Variants in PEX5L observed in about 807,000 individuals in gnomAD.
The protein encoded by PEX5L is peroxisomal biogenesis factor 5 like.
In PEX5L, 30 loss-of-function variants were observed where a neutral mutation model predicts 84.0. The ratio of observed to expected loss-of-function variants is 0.36; its 90% CI spans 0.27 to 0.48. The LOEUF (loss-of-function observed/expected upper bound fraction) is 0.48. PEX5L is among the 20% of genes least tolerant of loss of function. The probability of loss-of-function intolerance (pLI) is 0.99; values close to 1 mark genes in which losing one functional copy is unlikely to be tolerated. For synonymous variants in PEX5L, 270 were observed against 283.1 expected, an observed-to-expected ratio of 0.95 and a Z score of 0.46; for missense variants, 533 against 754.6, an observed-to-expected ratio of 0.71 and a Z score of 3.44.
At chr3:179,999,411 T>C (rs921403328) in intron 1 of PEX5L, among the ~76,000 whole-genome samples, 1 of 151,966 alleles carries the variant, frequency 6.6e-6, no homozygotes, top group African/African-American at 2.4e-5. Flanking sequence ...ATGGCAGAGA[T>C]GGAGTTACAC....
intron 8 of PEX5L, among the ~76,000 whole-genome samples, chr3:179,847,661 T>TA (rs1740082274): frequency 6.6e-6 from 1 of 152,186 alleles, no homozygotes; most frequent in Non-Finnish European, 1.5e-5. Context: ...CAGAAAAGAA[T>TA]ATTTAGTCAT....
chr3:179,860,118 T>G (rs921692619), intron 7 of PEX5L, among the ~76,000 whole-genome samples: 1 of 124,444 alleles, frequency 8.0e-6, no homozygotes, highest in Non-Finnish European at 1.9e-5. Flanking sequence ...GTTTCCATTT[T>G]TGTTTTTTGT....
chr3:179,885,668 G>A (rs370176416), intron 4 of PEX5L, among the ~76,000 whole-genome samples: 13 of 151,910 alleles, frequency 8.6e-5, no homozygotes, highest in East Asian at 5.8e-4. Flanking sequence ...AAAAGCGGGG[G>A]GTGGAAATTT....
intron 8 of PEX5L, among the ~76,000 whole-genome samples, chr3:179,824,716 A>G (rs1281551375): frequency 6.6e-6 from 1 of 151,830 alleles, no homozygotes; most frequent in Non-Finnish European, 1.5e-5. Flanking sequence ...CAAAAAAAAA[A>G]AAAAAAAAAA....
At chr3:179,896,396 C>T (rs970175962) in intron 3 of PEX5L, among the ~76,000 whole-genome samples, 4 of 151,948 alleles carry the variant, frequency 2.6e-5, no homozygotes, top group Admixed American at 6.6e-5. Flanking sequence ...TAACTAATAC[C>T]TCAAAAACAG....
intron 8 of PEX5L, among the ~76,000 whole-genome samples, chr3:179,824,684 CAATCAGAGTGAAACTCCATCTCAA>C (rs1729737093): frequency 9.8e-6 from 1 of 101,580 alleles, no homozygotes; most frequent in South Asian, 3.5e-4. Context: ...CTAGCCTGGG[CAATCAGAGTGAAACTCCATCTCAA>C]AAAAAAAAAA....
At position 179,811,306 on chromosome 3, in the gene PEX5L, A is replaced by G. The variant is rs1577161973; in HGVS notation, c.1154+495T>C. On this transcript the variant is annotated intron_variant, in intron 11 of 14. Transcript: ENST00000467460. ...TATAGCACTATATTAAAGGCACTCA[A>G]AATAAAAGGTAGGGAAAGTGGAAGT... Among the ~76,000 whole-genome samples, 5 of 152,134 alleles carry G rather than the reference A, an allele frequency of 3.3e-5. 1 individual carries two copies. Among genetic ancestry groups the G allele is most frequent in the Admixed American group, 3.3e-4 (5 of 15,264 alleles).
Position 179,825,274 on chromosome 3 carries a change from A to G in PEX5L, c.823-5298T>C, listed in dbSNP as rs561924878. On this transcript the variant is annotated intron_variant, in intron 8 of 14. Coordinates refer to ENST00000467460, the MANE Select transcript of PEX5L (RefSeq NM_016559.3). ...ACCAGGATAAATGAAAGGCAATTCC[A>G]GGGGGACAAATTTTTATCAAATGCA... Among the ~76,000 whole-genome samples the G allele has an allele frequency of 9.8e-5, 15 of 152,336 alleles. 1 individual carries two copies. The South Asian group carries it at 1.9e-3, about 19-fold the overall frequency.
chr3:179,862,998 C>G (rs12492963), intron 7 of PEX5L, among the ~76,000 whole-genome samples: 67,567 of 151,932 alleles, frequency 0.44, 15,535 homozygotes, highest in East Asian at 0.74. Context: ...GCATATAGAC[C>G]AATGGAACAG....
intron 8 of PEX5L, among the ~76,000 whole-genome samples, chr3:179,848,215 T>G (rs1279678954): frequency 1.3e-5 from 2 of 152,114 alleles, no homozygotes; most frequent in Non-Finnish European, 2.9e-5. Flanking sequence ...TATAGGATTT[T>G]GAGCATTCGA....
chr3:179,953,186 G>A (rs1779574761), intron 2 of PEX5L, among the ~76,000 whole-genome samples: 1 of 152,108 alleles, frequency 6.6e-6, no homozygotes, highest in African/African-American at 2.4e-5. Context: ...CGGGACATAG[G>A]CATGGGCAAA....
At chr3:179,916,819 A>G (rs1767311121) in intron 2 of PEX5L, among the ~76,000 whole-genome samples, 2 of 151,798 alleles carry the variant, frequency 1.3e-5, no homozygotes, top group African/African-American at 4.8e-5. Flanking sequence ...ACAGGTGCAC[A>G]CCACCACTCC....
At chr3:179,876,802 C>A (rs12171276) in intron 5 of PEX5L, among the ~76,000 whole-genome samples, 21,410 of 152,010 alleles carry the variant, frequency 0.14, 1,787 homozygotes, top group African/African-American at 0.21. Context: ...TTGTAGGTAC[C>A]TCATACAAGT....
intron 8 of PEX5L, among the ~76,000 whole-genome samples, chr3:179,820,261 A>C (rs1276405756): frequency 1.3e-5 from 2 of 152,264 alleles, no homozygotes; most frequent in Non-Finnish European, 2.9e-5. Context: ...GTACAGTTTC[A>C]TGTGTGGGCA....
intron 14 of PEX5L, among the ~76,000 whole-genome samples, chr3:179,805,355 G>C (rs866388571): frequency 6.6e-6 from 1 of 151,982 alleles, no homozygotes; most frequent in African/African-American, 2.4e-5. Context: ...CTTGGTATCC[G>C]TGGGGGATTG....
chr3:180,029,047 G>A (rs1403260615), intron 1 of PEX5L, among the ~76,000 whole-genome samples: 1 of 152,164 alleles, frequency 6.6e-6, no homozygotes, highest in Non-Finnish European at 1.5e-5. Context: ...ATCTCTAGCA[G>A]TGTGTCTTGT....
At chr3:179,884,303 G>A (rs1755080762) in intron 4 of PEX5L, among the ~76,000 whole-genome samples, 1 of 152,132 alleles carries the variant, frequency 6.6e-6, no homozygotes. Flanking sequence ...GATCCCTGTG[G>A]GCCCAATGTA....
intron 8 of PEX5L, among the ~76,000 whole-genome samples, chr3:179,858,527 C>T (rs1214456494): frequency 1.3e-5 from 2 of 151,926 alleles, no homozygotes; most frequent in South Asian, 2.1e-4. Flanking sequence ...GAATTATCAA[C>T]AATTTTTGGA....
chr3:179,981,288 G>A (rs1786307190), intron 1 of PEX5L, among the ~76,000 whole-genome samples: 1 of 152,082 alleles, frequency 6.6e-6, no homozygotes, highest in Non-Finnish European at 1.5e-5. Flanking sequence ...GAGCCATTGC[G>A]GGGTTTTAAG....
Sources: allele counts gnomAD v4.1 joint callset (sites outside exome capture counted in the v4.1 genomes callset), GRCh38; gene constraint gnomAD v4.1.1; transcripts MANE v1.5; gene names NCBI Gene and HGNC (gene_info 2026-07-23, HGNC 2026-07-21).